DNAJC1: variants seen among roughly 807,000 people sequenced by gnomAD.
The protein encoded by DNAJC1 is dnaJ homolog subfamily C member 1.
Under a neutral mutation model 76.6 loss-of-function variants are expected in DNAJC1, and 58 were observed. That is an observed-to-expected ratio of 0.76 (90% CI 0.61 to 0.94). The LOEUF is 0.94. Ranked by LOEUF, DNAJC1 falls within the 40% of genes least tolerant of loss-of-function variation. The probability of loss-of-function intolerance (pLI) is 0.00; values close to 1 mark genes in which losing one functional copy is unlikely to be tolerated. For missense variants in DNAJC1, 689 were observed against 677.3 expected, an observed-to-expected ratio of 1.02 and a Z score of -0.19; for synonymous variants, 258 against 267.9, an observed-to-expected ratio of 0.96 and a Z score of 0.36.
intron 9 of DNAJC1, among the ~76,000 whole-genome samples, chr10:21,798,586 C>A (rs537494830): frequency 3.3e-5 from 5 of 152,184 alleles, no homozygotes; most frequent in Admixed American, 6.5e-5. Context: ...TCTCAGACAA[C>A]CTTGCTCCTT....
intron 9 of DNAJC1, among the ~76,000 whole-genome samples, chr10:21,774,660 G>A (rs532023424): frequency 1.4e-4 from 21 of 152,214 alleles, no homozygotes; most frequent in African/African-American, 5.1e-4. Flanking sequence ...GTATTTTTTA[G>A]TAGAGACAGG....
rs749879261 is a variant in DNAJC1 at position 21,904,563 on chromosome 10, T to C, written c.779A>G (p.Lys260Arg). 18 of 1,606,730 alleles carry C rather than the reference T, an allele frequency of 1.1e-5. No homozygotes were observed. In the South Asian group the frequency reaches 1.9e-4, roughly 17 times the overall value. Residue 260 changes from lysine to arginine, a missense_variant, in exon 7 of 12, where the codon AAG becomes AGG. Physicochemically the swap from Lys to Arg is conservative, Grantham distance 26 (BLOSUM62 2). Transcript: ENST00000376980. ...TTCAGTTCTAGTCAGTGCATCTTCC[T>C]TTTCCTTCAATCTTGTTTCTTTATA... ...AKYKETRLKE[K>R]EDALTRTELE...
At chr10:21,946,874 GGGA>G (rs1467397911) in intron 1 of DNAJC1, among the ~76,000 whole-genome samples, 1 of 152,086 alleles carries the variant, frequency 6.6e-6, no homozygotes, top group Non-Finnish European at 1.5e-5. Flanking sequence ...CAACAATGTT[GGGA>G]GGAGGAACCT....
At chr10:21,910,864 GAGGAGAGGAGA>G in intron 6 of DNAJC1, among the ~76,000 whole-genome samples, 1 of 144,402 alleles carries the variant, frequency 6.9e-6, no homozygotes, top group South Asian at 2.4e-4. Flanking sequence ...GAGGAGAGGA[GAGGAGAGGAGA>G]GGAGAGGAGG....
At chr10:21,985,938 A>C (rs1199905686) in intron 1 of DNAJC1, among the ~76,000 whole-genome samples, 3 of 152,088 alleles carry the variant, frequency 2.0e-5, no homozygotes, top group Admixed American at 6.5e-5. Context: ...TAAAAAAAAA[A>C]CTGCCACGGC....
At chr10:21,975,388 T>C (rs1045953377) in intron 1 of DNAJC1, among the ~76,000 whole-genome samples, 1 of 151,936 alleles carries the variant, frequency 6.6e-6, no homozygotes, top group Non-Finnish European at 1.5e-5. Context: ...AAGGAATTAT[T>C]AGGGAGGTAT....
At chr10:21,856,472 C>T (rs1469816154) in intron 8 of DNAJC1, among the ~76,000 whole-genome samples, 1 of 152,116 alleles carries the variant, frequency 6.6e-6, no homozygotes, top group Non-Finnish European at 1.5e-5. Context: ...TAATCTACTA[C>T]TATGCATCTA....
intron 8 of DNAJC1, among the ~76,000 whole-genome samples, chr10:21,806,778 T>C (rs1021603577): frequency 1.4e-4 from 22 of 152,088 alleles, no homozygotes; most frequent in African/African-American, 4.8e-4. Flanking sequence ...ATCAAGTCCA[T>C]GTAAAGCAGC....
intron 9 of DNAJC1, among the ~76,000 whole-genome samples, chr10:21,775,299 G>C (rs562358268): frequency 7.3e-6 from 1 of 137,196 alleles, no homozygotes; most frequent in South Asian, 2.6e-4. Context: ...GCTGTCATAA[G>C]ACAGTTTCAT....
At chr10:21,864,514 C>T (rs986889377) in intron 8 of DNAJC1, among the ~76,000 whole-genome samples, 1 of 151,670 alleles carries the variant, frequency 6.6e-6, no homozygotes, top group African/African-American at 2.4e-5. Context: ...CCCAGCTACT[C>T]GGCAGGCTGA....
At chr10:21,973,448 T>A (rs1838012436) in intron 1 of DNAJC1, among the ~76,000 whole-genome samples, 1 of 152,226 alleles carries the variant, frequency 6.6e-6, no homozygotes, top group African/African-American at 2.4e-5. Context: ...CAAGACTCTA[T>A]TGTTCTATTG....
intron 8 of DNAJC1, among the ~76,000 whole-genome samples, chr10:21,819,280 A>G (rs1437492893): frequency 6.6e-6 from 1 of 152,036 alleles, no homozygotes; most frequent in Admixed American, 6.6e-5. Context: ...GTGCATCTGT[A>G]GTCCCAGCTA....
At position 21,941,047 on chromosome 10, in the gene DNAJC1, C is replaced by T. The variant is rs558979428; in HGVS notation, c.223-11906G>A. ...CGGGCGGATCACAAGGTCAGGAGAT[C>T]GAGACCATCCTGGCTAACACGGTGA... is the stretch of plus-strand genomic sequence containing the variant. On this transcript the variant is annotated intron_variant, in intron 1 of 11. Transcript: ENST00000376980. Among the ~76,000 whole-genome samples the T allele has an allele frequency of 4.3e-4, 62 of 143,422 alleles. 1 individual carries two copies. In the East Asian group the frequency reaches 0.012, roughly 28 times the overall value. The allele number at this position is 143,422 out of a possible 152,430, so 94.1% of individuals were successfully genotyped here.
intron 1 of DNAJC1, among the ~76,000 whole-genome samples, chr10:21,965,588 T>TG (rs1837877476): frequency 6.6e-6 from 1 of 152,194 alleles, no homozygotes; most frequent in African/African-American, 2.4e-5. Context: ...AACTCAGACT[T>TG]GGGAGTGTCC....
intron 1 of DNAJC1, among the ~76,000 whole-genome samples, chr10:22,002,796 T>G (rs1024326986): frequency 1.3e-5 from 2 of 149,096 alleles, no homozygotes; most frequent in South Asian, 4.2e-4. Flanking sequence ...CAGTTTAGGG[T>G]GAGAAGCGGC....
chr10:21,952,035 T>A (rs947548654), intron 1 of DNAJC1, among the ~76,000 whole-genome samples: 5 of 152,156 alleles, frequency 3.3e-5, no homozygotes, highest in African/African-American at 1.2e-4. Flanking sequence ...TGACTATACA[T>A]CCTGAAATGA....
At chr10:21,809,111 T>C (rs1484628366) in intron 8 of DNAJC1, among the ~76,000 whole-genome samples, 1 of 152,186 alleles carries the variant, frequency 6.6e-6, no homozygotes, top group Non-Finnish European at 1.5e-5. Context: ...TTGGTGTCTC[T>C]GAAAATCCTC....
chr10:21,810,898 G>C (rs1481092066), intron 8 of DNAJC1, among the ~76,000 whole-genome samples: 1 of 152,180 alleles, frequency 6.6e-6, no homozygotes, highest in African/African-American at 2.4e-5. Context: ...TGGTATTATA[G>C]ATTTGGTGAA....
intron 9 of DNAJC1, among the ~76,000 whole-genome samples, chr10:21,778,986 C>A (rs1834489985): frequency 6.6e-6 from 1 of 152,200 alleles, no homozygotes; most frequent in African/African-American, 2.4e-5. Flanking sequence ...GCCCATGGAG[C>A]CTCGCTCATC....
Sources: gnomAD v4.1 joint callset for allele counts (sites outside exome capture counted in the v4.1 genomes callset) on GRCh38, gnomAD v4.1.1 for gene constraint, MANE v1.5 for transcripts, NCBI Gene and HGNC (gene_info 2026-07-23, HGNC 2026-07-21) for gene names.